The following EPHB1 variants were observed in gnomAD, a reference collection of about 807,000 sequenced individuals.
EPHB1 encodes EPH receptor B1, also known as ephrin type-B receptor 1.
A neutral mutation model predicts 94.4 loss-of-function variants in EPHB1; 30 were observed. The ratio of observed to expected loss-of-function variants is 0.32; its 90% confidence interval spans 0.24 to 0.43. The LOEUF is 0.43. EPHB1 is among the 20% of genes least tolerant of loss of function. The pLI is 1.00. For synonymous variants in EPHB1, 522 were observed against 489.1 expected (o/e 1.07, Z -0.89); for missense variants, 1,055 against 1,308.3 (o/e 0.81, Z 2.99).
At chr3:134,903,816 T>C (rs1204390462) in intron 1 of EPHB1, among the ~76,000 whole-genome samples, 2 of 152,186 alleles carry the variant, frequency 1.3e-5, no homozygotes, top group Non-Finnish European at 2.9e-5. Flanking sequence ...CTAAAGCTGG[T>C]TATTATTCCA....
intron 1 of EPHB1, among the ~76,000 whole-genome samples, chr3:134,861,597 A>G (rs1363720893): frequency 6.6e-6 from 1 of 152,162 alleles, no homozygotes; most frequent in Admixed American, 6.5e-5. Flanking sequence ...AGAGTTACGG[A>G]AGGGATGGGA....
chr3:134,809,585 C>T (rs2036128234), intron 1 of EPHB1, among the ~76,000 whole-genome samples: 1 of 152,178 alleles, frequency 6.6e-6, no homozygotes, highest in Non-Finnish European at 1.5e-5. Context: ...ATCATGCCCT[C>T]AGGATTAGGT....
chr3:135,251,689 CTT>C (rs1378475658), intron 15 of EPHB1, among the ~76,000 whole-genome samples: 1 of 152,214 alleles, frequency 6.6e-6, no homozygotes. Context: ...GACATGAACA[CTT>C]TGAGCATCTC....
chr3:134,910,472 G>A (rs2038428698), intron 1 of EPHB1, among the ~76,000 whole-genome samples: 2 of 152,224 alleles, frequency 1.3e-5, no homozygotes, highest in African/African-American at 4.8e-5. Flanking sequence ...ATGGCATTGT[G>A]AATATTTGGG....
At chr3:135,172,350 A>G (rs1196295327) in intron 9 of EPHB1, among the ~76,000 whole-genome samples, 1 of 152,234 alleles carries the variant, frequency 6.6e-6, no homozygotes, top group East Asian at 1.9e-4. Flanking sequence ...ATTCATTGTA[A>G]GTGCACTGCT....
At chr3:134,861,763 AT>A (rs1193549405) in intron 1 of EPHB1, among the ~76,000 whole-genome samples, 3 of 152,168 alleles carry the variant, frequency 2.0e-5, no homozygotes, top group Admixed American at 6.5e-5. Context: ...TAACTAATGC[AT>A]GCAGGGCTTA....
At chr3:134,933,188 C>T (rs1204456928) in intron 2 of EPHB1, among the ~76,000 whole-genome samples, 1 of 152,126 alleles carries the variant, frequency 6.6e-6, no homozygotes, top group Non-Finnish European at 1.5e-5. Flanking sequence ...CTTTTTTCTC[C>T]TCTCTCTACT....
rs571993987 is a variant in EPHB1 at position 134,808,601 on chromosome 3, A to G, written c.58+12912A>G. 1.1e-4 allele frequency among the ~76,000 whole-genome samples: 16 copies of G among 152,328 alleles called. No individual in the cohort carries two copies. The South Asian group carries it at 3.1e-3, about 30-fold the overall frequency. On this transcript the variant is annotated intron_variant, in intron 1 of 15. Transcript: ENST00000398015. ...GATGGTATGTCCAATAAAGGAAAGT[A>G]TATGGATTCTGGACAGAAGAAGGAG...
chr3:134,979,296 G>A (rs1269072042), intron 3 of EPHB1, among the ~76,000 whole-genome samples: 1 of 152,144 alleles, frequency 6.6e-6, no homozygotes. Context: ...ATGTTCAAAG[G>A]GGGAAAAAAA....
intron 3 of EPHB1, among the ~76,000 whole-genome samples, chr3:135,024,525 C>G (rs1265801012): frequency 6.6e-6 from 1 of 152,190 alleles, no homozygotes; most frequent in Non-Finnish European, 1.5e-5. Context: ...TAGTTCCCAG[C>G]CAGAGCAGAG....
At chr3:135,002,843 C>G (rs928534320) in intron 3 of EPHB1, among the ~76,000 whole-genome samples, 1 of 151,708 alleles carries the variant, frequency 6.6e-6, no homozygotes, top group African/African-American at 2.4e-5. Context: ...TTTGATTCTT[C>G]TCTCTTTTTT....
At chr3:134,976,646 T>C (rs1053689782) in intron 3 of EPHB1, among the ~76,000 whole-genome samples, 2 of 152,194 alleles carry the variant, frequency 1.3e-5, no homozygotes, top group African/African-American at 4.8e-5. Flanking sequence ...ACACCCATCA[T>C]GGCCCAAACA....
intron 3 of EPHB1, among the ~76,000 whole-genome samples, chr3:134,998,929 G>A (rs777105048): frequency 6.6e-6 from 1 of 152,180 alleles, no homozygotes; most frequent in Non-Finnish European, 1.5e-5. Context: ...ACAGGAGGAA[G>A]AAGATAAGCC....
At chr3:135,099,650 G>A (rs1418575852) in intron 3 of EPHB1, among the ~76,000 whole-genome samples, 2 of 152,218 alleles carry the variant, frequency 1.3e-5, no homozygotes, top group Non-Finnish European at 2.9e-5. Context: ...TAATGTGAAA[G>A]TAATGGAGAC....
At chr3:135,160,166 T>C (rs1941466327) in intron 6 of EPHB1, among the ~76,000 whole-genome samples, 1 of 152,166 alleles carries the variant, frequency 6.6e-6, no homozygotes, top group African/African-American at 2.4e-5. Flanking sequence ...AACCATGCCT[T>C]TGTACCTGCA....
At position 135,039,713 on chromosome 3, in the gene EPHB1, G is replaced by A. The variant is rs1298215206; in HGVS notation, c.806-66735G>A. Among the ~76,000 whole-genome samples the A allele has an allele frequency of 2.6e-5, 4 of 152,362 alleles. No homozygotes were observed. In the East Asian group the frequency reaches 7.7e-4, roughly 29 times the overall value. ...TGCTCGGGGCCAGCAGGGCTGGCTG[G>A]CTGCTTCGAGTGCGGGGCCCACCAA... On this transcript the variant is annotated intron_variant, in intron 3 of 15. Transcript: ENST00000398015.
intron 3 of EPHB1, among the ~76,000 whole-genome samples, chr3:135,102,504 G>A (rs968205545): frequency 9.2e-5 from 14 of 152,258 alleles, no homozygotes; most frequent in African/African-American, 3.4e-4. Context: ...TCTGATTAAT[G>A]GCACCTGATA....
chr3:134,933,552 A>T (rs1221441048), intron 2 of EPHB1, among the ~76,000 whole-genome samples: 4 of 152,174 alleles, frequency 2.6e-5, no homozygotes, highest in Middle Eastern at 3.2e-3. Flanking sequence ...TAGGTAGGAA[A>T]AAAAAAATCT....
chr3:134,906,228 A>G (rs1391587658), intron 1 of EPHB1, among the ~76,000 whole-genome samples: 1 of 152,186 alleles, frequency 6.6e-6, no homozygotes, highest in Non-Finnish European at 1.5e-5. Flanking sequence ...TTTTGTTGAA[A>G]CCATTTAGCC....
Sources: allele counts gnomAD v4.1 joint callset (sites outside exome capture counted in the v4.1 genomes callset), GRCh38; gene constraint gnomAD v4.1.1; transcripts MANE v1.5; gene names NCBI Gene and HGNC (gene_info 2026-07-23, HGNC 2026-07-21).